The following AARS1 variants were observed in gnomAD, a reference collection of about 807,000 sequenced individuals.
AARS1 encodes alanine--tRNA ligase, cytoplasmic.
In AARS1, 72 loss-of-function variants were observed where a neutral mutation model predicts 108.9. The observed-to-expected ratio is 0.66, with a 90% CI of 0.55 to 0.80. The LOEUF (loss-of-function observed/expected upper bound fraction) is 0.80. Ranked by LOEUF, AARS1 falls within the 30% of genes least tolerant of loss-of-function variation. The probability of loss-of-function intolerance (pLI) is 0.00; values close to 1 mark genes in which losing one functional copy is unlikely to be tolerated. For synonymous variants in AARS1, 489 were observed against 465.7 expected, an observed-to-expected ratio of 1.05 and a Z score of -0.64; for missense variants, 1,193 against 1,233.2, an observed-to-expected ratio of 0.97 and a Z score of 0.49.
Position 70,253,725 on chromosome 16 carries a change from C to A in AARS1, c.2596G>T (p.Ala866Ser). The A allele has an allele frequency of 6.2e-7, 1 of 1,613,880 alleles. No individual in the cohort carries two copies. The highest frequency in any genetic ancestry group is 8.5e-7 in the Non-Finnish European group (1 of 1,180,020). ...GGCCCCTGGGTTGCCTTGGCTGAGG[C>A]GCCGCTCTCCATCTCCAGGATGACA... ...PLVILEMESGASAKALNEALK... is the reference protein window; with the variant it reads ...PLVILEMESGSSAKALNEALK... Residue 866 changes from alanine to serine, a missense_variant, in exon 19 of 21, where the codon GCC (alanine) becomes TCC (serine). Coordinates refer to ENST00000261772, the MANE Select transcript of AARS1 (RefSeq NM_001605.3).
intron 4 of AARS1, among the ~76,000 whole-genome samples, chr16:70,274,610 G>T (rs974096085): frequency 1.3e-5 from 2 of 151,834 alleles, no homozygotes; most frequent in Admixed American, 1.3e-4. Flanking sequence ...TATAATCCCA[G>T]GTACTCGGGA....
At position 70,265,090 on chromosome 16, in the gene AARS1, C is replaced by T. The variant is rs139276867; in HGVS notation, c.1360G>A (p.Gly454Ser). Residue 454 changes from glycine to serine, a missense_variant, in exon 11 of 21, where the codon GGC (glycine) becomes AGC (serine). Gly to Ser is a moderately conservative substitution (Grantham distance 56). Transcript: ENST00000261772. ...ERKLAQLKSQGKGAGGEDLIM... is the reference protein window; with the variant it reads ...ERKLAQLKSQSKGAGGEDLIM... ...AGGTCTTCCCCACCAGCTCCCTTGC[C>T]CTGTGATTTCAGCTGTCAGCAAGAG... 3 of 1,614,130 alleles carry T rather than the reference C, an allele frequency of 1.9e-6. No homozygotes were observed. Among genetic ancestry groups the T allele is most frequent in the Non-Finnish European group, 2.5e-6 (3 of 1,180,042 alleles).
intron 16 of AARS1, among the ~76,000 whole-genome samples, chr16:70,255,015 T>G (rs1319580605): frequency 6.6e-6 from 1 of 151,936 alleles, no homozygotes; most frequent in East Asian, 1.9e-4. Flanking sequence ...CCCTGGGGCT[T>G]TAGCACAAGT....
At chr16:70,253,654 CAT>C (rs1156797671) in intron 19 of AARS1, 58 bp downstream of exon 19, 5 of 1,573,022 alleles carry the variant, frequency 3.2e-6, no homozygotes, top group South Asian at 1.1e-5. Context: ...ACAGAGGCCA[CAT>C]GTCAGCCACC....
chr16:70,266,169 C>A (rs920894117), intron 9 of AARS1, among the ~76,000 whole-genome samples: 1 of 152,062 alleles, frequency 6.6e-6, no homozygotes, highest in Non-Finnish European at 1.5e-5. Context: ...AAAAAATTAG[C>A]CGGGCATGGT....
rs1191814735 is a variant in AARS1 at position 70,258,040 on chromosome 16, C to A, written c.2170G>T (p.Gly724Trp). 3 of 1,614,108 alleles carry A rather than the reference C, an allele frequency of 1.9e-6. No individual in the cohort carries two copies. Among genetic ancestry groups the A allele is most frequent in the South Asian group, 2.2e-5 (2 of 91,072 alleles). ...AGSLTSVEFC[G>W]GTHLRNSSHA... ...CCCCTCTGCAGTACTCACGTTCCCCCACAGAACTCAACAGAAGTCAGGGAG... is the reference window on the plus strand; with the variant it reads ...CCCCTCTGCAGTACTCACGTTCCCCAACAGAACTCAACAGAAGTCAGGGAG... The change falls in exon 15 of 21, where the codon GGG becomes TGG. Residue 724 changes from glycine to tryptophan, a missense_variant. Gly to Trp is a radical substitution (Grantham distance 184, BLOSUM62 -2). Transcript: ENST00000261772.
chr16:70,262,662 C>T (rs1960161855), intron 11 of AARS1, 138 bp from the exon 12 acceptor site: 4 of 956,184 alleles, frequency 4.2e-6, no homozygotes, highest in Non-Finnish European at 4.6e-6. Flanking sequence ...GAAGCAAACT[C>T]ATTAGACAAT....
intron 11 of AARS1, among the ~76,000 whole-genome samples, chr16:70,262,989 A>AAAAAC (rs1960176629): frequency 6.8e-6 from 1 of 147,152 alleles, no homozygotes; most frequent in Admixed American, 6.8e-5. Context: ...AAAAAAAAAA[A>AAAAAC]AAAAAAAAAC....
chr16:70,271,769 A>G lies in AARS1; in HGVS notation c.671+12T>C, dbSNP rs375862322. The G allele has an allele frequency of 4.3e-6, 7 of 1,613,670 alleles. No homozygotes were observed. In the African/African-American group the frequency reaches 8.0e-5, roughly 18 times the overall value. On this transcript the variant is annotated intron_variant, in intron 5 of 20. Coordinates refer to ENST00000261772, the MANE Select transcript of AARS1 (RefSeq NM_001605.3). The stretch of plus-strand genomic sequence containing the variant: ...GCTCAAGGAAAGGAATGGAGTAGGA[A>G]CCCAAGGCTACCTGTTATACTGGAT...
chr16:70,264,153 G>T (rs751140220), intron 11 of AARS1, among the ~76,000 whole-genome samples: 11 of 151,204 alleles, frequency 7.3e-5, no homozygotes, highest in Non-Finnish European at 1.3e-4. Context: ...GGCTGAGGCC[G>T]GAGAATCGCT....
In AARS1 at chr16:70,252,661, A is replaced by T. The variant is rs765323555; in HGVS notation, c.*60T>A. 2.8e-5 allele frequency: 44 copies of T among 1,574,926 alleles called. No individual in the cohort carries two copies. Among genetic ancestry groups the T allele is most frequent in the Non-Finnish European group, 3.7e-5 (43 of 1,147,360 alleles). On this transcript the variant is annotated 3_prime_UTR_variant, in exon 21 of 21. Coordinates refer to ENST00000261772, the MANE Select transcript of AARS1 (RefSeq NM_001605.3). ...GGTCCCAAGATTCAAATGTTCTTGT[A>T]GCAGATGAAGAGCTCTTGGCTGGAC...
At position 70,252,689 on chromosome 16, in the gene AARS1, A is replaced by G. The variant is rs771868425; in HGVS notation, c.*32T>C. 5 of 1,611,388 alleles carry G rather than the reference A, an allele frequency of 3.1e-6. No homozygotes were observed. Among genetic ancestry groups the G allele is most frequent in the Non-Finnish European group, 4.2e-6 (5 of 1,178,422 alleles). On this transcript the variant is annotated 3_prime_UTR_variant, in exon 21 of 21. Coordinates refer to ENST00000261772, the MANE Select transcript of AARS1 (RefSeq NM_001605.3). ...AGATGAAGAGCTCTTGGCTGGACGG[A>G]TGGATCCAGTGGGAGCCTCCTCCTT... is the stretch of plus-strand genomic sequence containing the variant.
intron 1 of AARS1, among the ~76,000 whole-genome samples, chr16:70,287,641 G>A (rs75949713): frequency 0.016 from 2,369 of 151,922 alleles, 54 homozygotes; most frequent in African/African-American, 0.053. Flanking sequence ...TACTCGGGAG[G>A]CTGAGTCCAA....
intron 16 of AARS1, among the ~76,000 whole-genome samples, chr16:70,255,123 C>T (rs12445694): frequency 0.026 from 3,932 of 151,900 alleles, 278 homozygotes; most frequent in East Asian, 0.21. Context: ...CTGGGGGCCC[C>T]GATGCCACAG....
chr16:70,257,947 A>C, intron 15 of AARS1, 86 bp downstream of exon 15: 2 of 1,476,244 alleles, frequency 1.4e-6, no homozygotes, highest in Non-Finnish European at 1.9e-6. Context: ...AACCTTAGAC[A>C]GACAAGAGTT....
intron 2 of AARS1, among the ~76,000 whole-genome samples, chr16:70,278,074 C>G (rs1211910092): frequency 6.6e-6 from 1 of 151,836 alleles, no homozygotes; most frequent in African/African-American, 2.4e-5. Flanking sequence ...CACTTGTGAC[C>G]ATGTAAAACT....
chr16:70,268,462 C>T, intron 7 of AARS1, 83 bp from the exon 8 acceptor site: 1 of 1,148,456 alleles, frequency 8.7e-7, no homozygotes, highest in South Asian at 1.3e-5. Flanking sequence ...CAAAGCAACA[C>T]CTCTTTCAGG....
chr16:70,255,196 T>G (rs1424176896), intron 16 of AARS1, among the ~76,000 whole-genome samples: 1 of 127,500 alleles, frequency 7.8e-6, no homozygotes, highest in East Asian at 2.6e-4. Context: ...AGATTCACAT[T>G]TTTTTTTTTT....
Position 70,258,217 on chromosome 16 carries a change from C to T in AARS1, c.1993G>A (p.Ala665Thr). 1.9e-6 allele frequency: 3 copies of T among 1,586,246 alleles called. No homozygotes were observed. The highest frequency in any genetic ancestry group is 2.7e-5 in the African/African-American group (2 of 74,286). The change falls in exon 15 of 21, where the codon GCC becomes ACC. Residue 665 changes from alanine to threonine, a missense_variant and splice_region_variant. By Grantham distance (58) the Ala-to-Thr change is moderately conservative (BLOSUM62 0). Coordinates refer to ENST00000261772, the MANE Select transcript of AARS1 (RefSeq NM_001605.3). The stretch of plus-strand genomic sequence containing the variant: ...AGGGGGCAATCCTGGGTATAGACGG[C>T]CTGCCAGACCAAGAAGACAGAAAAG... ...IANEMIEAAKAVYTQDCPLAA... is the reference protein window; with the variant it reads ...IANEMIEAAKTVYTQDCPLAA...
Sources: allele counts gnomAD v4.1 joint callset (sites outside exome capture counted in the v4.1 genomes callset), GRCh38; gene constraint gnomAD v4.1.1; transcripts MANE v1.5; gene names NCBI Gene and HGNC (gene_info 2026-07-23, HGNC 2026-07-21).